Variants in EEIG2 observed in about 807,000 individuals in gnomAD.
The protein encoded by EEIG2 is EEIG family member 2.
the EEIG2 span, chr1:108,637,495 C>A: frequency 6.6e-6 from 1 of 151,932 alleles, no homozygotes; most frequent in Non-Finnish European, 1.5e-5. Context: ...TTGAAAAAAT[C>A]TGTTTATTAA....
chr1:108,580,761 A>G, the EEIG2 span, among the ~76,000 whole-genome samples: 15 of 152,168 alleles, frequency 9.9e-5, no homozygotes, highest in Non-Finnish European at 1.6e-4. Flanking sequence ...GAAAAGTTTG[A>G]AGCTAGCATA....
chr1:108,636,818 A>T, the EEIG2 span: 1 of 152,198 alleles, frequency 6.6e-6, no homozygotes, highest in Non-Finnish European at 1.5e-5. Context: ...TCCGTTCATT[A>T]TATATTATGG....
chr1:108,630,770 T>A, the EEIG2 span, among the ~76,000 whole-genome samples: 3 of 152,180 alleles, frequency 2.0e-5, no homozygotes, highest in Non-Finnish European at 4.4e-5. Context: ...CACACTTCTG[T>A]GCACCCCTAA....
chr1:108,621,161 G>A, the EEIG2 span, among the ~76,000 whole-genome samples: 3 of 152,288 alleles, frequency 2.0e-5, 1 homozygote, highest in South Asian at 6.2e-4. Flanking sequence ...TTACTATAAA[G>A]CAATCAAATT....
chr1:108,601,120 TG>T, the EEIG2 span, among the ~76,000 whole-genome samples: 1 of 152,120 alleles, frequency 6.6e-6, no homozygotes, highest in Admixed American at 6.6e-5. Flanking sequence ...AGTTAATAAA[TG>T]GCAAAGTCGG....
the EEIG2 span, among the ~76,000 whole-genome samples, chr1:108,586,169 A>T: frequency 6.6e-6 from 1 of 152,066 alleles, no homozygotes; most frequent in African/African-American, 2.4e-5. Context: ...TTTGCAAGGC[A>T]GCTACTCCAG....
At chr1:108,602,709 A>T in the EEIG2 span, among the ~76,000 whole-genome samples, 2 of 151,968 alleles carry the variant, frequency 1.3e-5, no homozygotes, top group Admixed American at 1.3e-4. Flanking sequence ...GAGAAACCCC[A>T]TCTCCATAAA....
the EEIG2 span, among the ~76,000 whole-genome samples, chr1:108,613,633 C>T: frequency 6.6e-6 from 1 of 152,146 alleles, no homozygotes; most frequent in Non-Finnish European, 1.5e-5. Flanking sequence ...GAAGATCATG[C>T]CATTCAGTCA....
the EEIG2 span, among the ~76,000 whole-genome samples, chr1:108,567,004 C>A: frequency 4.6e-5 from 7 of 151,538 alleles, no homozygotes; most frequent in African/African-American, 1.7e-4. Context: ...AAGTGTTCTC[C>A]AACAGCAAAA....
At chr1:108,560,666 AC>A in the EEIG2 span, 1 of 1,381,664 alleles carries the variant, frequency 7.2e-7, no homozygotes, top group East Asian at 2.6e-5. Flanking sequence ...TTCCCTAGGG[AC>A]CGCTCTAAAA....
At chr1:108,606,219 G>T in the EEIG2 span, 8 of 1,550,228 alleles carry the variant, frequency 5.2e-6, no homozygotes, top group South Asian at 2.4e-5. Context: ...TCTGTCTTTG[G>T]CAGGAATTAA....
the EEIG2 span, among the ~76,000 whole-genome samples, chr1:108,600,066 G>A: frequency 1.1e-4 from 16 of 152,212 alleles, no homozygotes; most frequent in African/African-American, 3.4e-4. Flanking sequence ...CATATGGTAA[G>A]CTCTCAATAA....
the EEIG2 span, among the ~76,000 whole-genome samples, chr1:108,593,224 T>A: frequency 1.3e-5 from 2 of 152,138 alleles, no homozygotes; most frequent in African/African-American, 2.4e-5. Flanking sequence ...GCTACATGTT[T>A]CTTAGAGACC....
the EEIG2 span, among the ~76,000 whole-genome samples, chr1:108,566,279 G>C: frequency 2.0e-5 from 3 of 151,872 alleles, no homozygotes; most frequent in Non-Finnish European, 4.4e-5. Context: ...AACCAAGCTT[G>C]GTATACATCC....
the EEIG2 span, among the ~76,000 whole-genome samples, chr1:108,570,624 A>G: frequency 6.6e-6 from 1 of 152,224 alleles, no homozygotes; most frequent in Non-Finnish European, 1.5e-5. Context: ...ATGAATTTTA[A>G]TGATGGCAGT....
the EEIG2 span, among the ~76,000 whole-genome samples, chr1:108,634,921 T>C: frequency 3.0e-4 from 45 of 152,320 alleles, 1 homozygote; most frequent in South Asian, 2.1e-4. Context: ...TCTAGGCTAA[T>C]CCAATGTATT....
the EEIG2 span, among the ~76,000 whole-genome samples, chr1:108,629,246 T>C: frequency 1.3e-5 from 2 of 152,180 alleles, no homozygotes; most frequent in African/African-American, 4.8e-5. Flanking sequence ...TTGAAAGGTA[T>C]AATTACTCAT....
the EEIG2 span, chr1:108,560,629 ATC>A: frequency 6.4e-7 from 1 of 1,566,756 alleles, no homozygotes; most frequent in African/African-American, 1.4e-5. Flanking sequence ...GATGGGCAGC[ATC>A]TCTCCTTGGC....
the EEIG2 span, among the ~76,000 whole-genome samples, chr1:108,586,895 T>C: frequency 6.6e-6 from 1 of 152,216 alleles, no homozygotes; most frequent in Non-Finnish European, 1.5e-5. Flanking sequence ...TGTTCAAAAG[T>C]AAAGTCTCTT....
Sources: gnomAD v4.1 joint callset for allele counts (sites outside exome capture counted in the v4.1 genomes callset) on GRCh38, gnomAD v4.1.1 for gene constraint, MANE v1.5 for transcripts, NCBI Gene and HGNC (gene_info 2026-07-23, HGNC 2026-07-21) for gene names.